The following LDHC variants were observed in gnomAD, a reference collection of about 807,000 sequenced individuals.
The protein encoded by LDHC is lactate dehydrogenase C.
Under a neutral mutation model 30.2 loss-of-function variants are expected in LDHC, and 20 were observed. The ratio of observed to expected loss-of-function variants is 0.66; its 90% confidence interval spans 0.47 to 0.96. LDHC has a LOEUF of 0.96. Among genes scored for constraint, LDHC ranks in the 40% least tolerant of loss-of-function variants. The pLI is 0.00. For missense variants in LDHC, 362 were observed against 394.9 expected, an observed-to-expected ratio of 0.92 and a Z score of 0.71; for synonymous variants, 139 against 132.7, an observed-to-expected ratio of 1.05 and a Z score of -0.32.
At chr11:18,437,781 C>T (rs1403807432) in intron 5 of LDHC, among the ~76,000 whole-genome samples, 3 of 150,676 alleles carry the variant, frequency 2.0e-5, no homozygotes, top group African/African-American at 7.3e-5. Flanking sequence ...AAAGAAATAC[C>T]TGGCCAGGAG....
chr11:18,445,268 A>G (rs1180724766), intron 6 of LDHC, among the ~76,000 whole-genome samples: 1 of 151,828 alleles, frequency 6.6e-6, no homozygotes, highest in Non-Finnish European at 1.5e-5. Flanking sequence ...GGCTCACTGC[A>G]ACCTCTGCCC....
At chr11:18,424,860 T>C (rs1848133288) in intron 3 of LDHC, among the ~76,000 whole-genome samples, 1 of 151,980 alleles carries the variant, frequency 6.6e-6, no homozygotes, top group African/African-American at 2.4e-5. Flanking sequence ...ATACAAAAAT[T>C]AGCTGGGTGT....
At chr11:18,429,116 C>CTTTT (rs36038254) in intron 3 of LDHC, among the ~76,000 whole-genome samples, 1,094 of 93,876 alleles carry the variant, frequency 0.012, 30 homozygotes, top group Non-Finnish European at 0.017. Context: ...TCATTTTGGT[C>CTTTT]TTTTTTTTTT....
At chr11:18,420,204 A>T (rs1867094431) in intron 3 of LDHC, among the ~76,000 whole-genome samples, 1 of 152,220 alleles carries the variant, frequency 6.6e-6, no homozygotes, top group Non-Finnish European at 1.5e-5. Context: ...AGAAGTAGAA[A>T]ATATAACAGG....
intron 4 of LDHC, among the ~76,000 whole-genome samples, chr11:18,431,209 G>T (rs542476483): frequency 6.6e-6 from 1 of 151,788 alleles, no homozygotes; most frequent in South Asian, 2.1e-4. Context: ...TGTAATCCCC[G>T]CAACACTTTG....
intron 6 of LDHC, among the ~76,000 whole-genome samples, chr11:18,443,577 A>C (rs887872000): frequency 4.0e-5 from 6 of 150,728 alleles, no homozygotes; most frequent in Non-Finnish European, 7.4e-5. Flanking sequence ...CTCACACCTC[A>C]GCCTCCTGAG....
At chr11:18,450,707 T>C (rs1848640836) in intron 7 of LDHC, 2 of 308,816 alleles carry the variant, frequency 6.5e-6, no homozygotes, top group Admixed American at 5.3e-5. Context: ...GATGACCTGG[T>C]AAGGGATAAG....
chr11:18,430,187 G>A (rs1848240220), intron 4 of LDHC, among the ~76,000 whole-genome samples: 1 of 152,112 alleles, frequency 6.6e-6, no homozygotes, highest in South Asian at 2.1e-4. Context: ...TTATATGAAT[G>A]AAATCATGCT....
rs1212899360 is a variant in LDHC at position 18,451,034 on chromosome 11, T to G, written c.906T>G (p.Asp302Glu). 1.3e-6 allele frequency: 2 copies of G among 1,594,554 alleles called. No individual in the cohort carries two copies. Among genetic ancestry groups the G allele is most frequent in the Non-Finnish European group, 1.7e-6 (2 of 1,172,802 alleles). ...TCTTGGGGCGGAATGGTGTCTCAGA[T>G]GTTGTGAAAATTAACTTGAATTCTG... ...PCVLGRNGVS[D>E]VVKINLNSEE... Residue 302 changes from aspartate to glutamate, a missense_variant, in exon 8 of 8, where the codon GAT (aspartate) becomes GAG (glutamate). By Grantham distance (45) the Asp-to-Glu change is conservative. Coordinates refer to ENST00000541669, the MANE Select transcript of LDHC (RefSeq NM_017448.5).
At position 18,434,833 on chromosome 11, in the gene LDHC, G is replaced by A. The variant is rs773537130; in HGVS notation, c.512G>A (p.Arg171His). ...SGCNLDSARF[R>H]YLIGEKLGVH... ...TGTAATCTAGACTCTGCCCGTTTCC[G>A]TTACCTAATTGGAGAAAAGTTGGGT... is the stretch of plus-strand genomic sequence containing the variant. The change falls in exon 5 of 8, where the codon CGT becomes CAT. Residue 171 changes from arginine (R) to histidine (H), a missense_variant. Coordinates refer to ENST00000541669, the MANE Select transcript of LDHC (RefSeq NM_017448.5). The A allele has an allele frequency of 1.3e-5, 21 of 1,612,586 alleles. No homozygotes were observed. Among genetic ancestry groups the A allele is most frequent in the South Asian group, 3.3e-5 (3 of 91,042 alleles).
chr11:18,445,245 A>G (rs1188461278), intron 6 of LDHC, among the ~76,000 whole-genome samples: 3 of 151,728 alleles, frequency 2.0e-5, no homozygotes, highest in South Asian at 4.1e-4. Flanking sequence ...CTGGAGTGCA[A>G]TGGTATAGTC....
In LDHC at chr11:18,451,830, G is replaced by A. The variant is rs1848660270; in HGVS notation, c.*703G>A. On this transcript the variant is annotated 3_prime_UTR_variant, in exon 8 of 8. Transcript: ENST00000541669. ...TGTGGTGGCCTGCATCTGTAGTCCA[G>A]CTACTTGGGAGACTGAGACCAGTAG... 6.6e-6 allele frequency: 1 copy of A among 152,064 alleles called. No homozygotes were observed. Among genetic ancestry groups the A allele is most frequent in the African/African-American group, 2.4e-5 (1 of 41,394 alleles). 9.4% of individuals were successfully genotyped at this position (152,064 alleles called of 1,614,324 possible).
chr11:18,412,922 G>A, intron 2 of LDHC, 79 bp downstream of exon 2: 2 of 1,382,596 alleles, frequency 1.4e-6, no homozygotes, highest in Non-Finnish European at 2.0e-6. Context: ...ATTCAGGGTT[G>A]CAAGGTTAAT....
chr11:18,414,378 C>T (rs1866965764), intron 2 of LDHC, among the ~76,000 whole-genome samples: 3 of 152,010 alleles, frequency 2.0e-5, no homozygotes, highest in African/African-American at 7.2e-5. Context: ...GAATGGGTTC[C>T]CATGGAAAAG....
chr11:18,434,769 A>G lies in LDHC; in HGVS notation c.448A>G (p.Ile150Val), dbSNP rs1474202485. The change falls in exon 5 of 8, where the codon ATA becomes GTA. Residue 150 changes from isoleucine (I) to valine (V), a missense_variant. Transcript: ENST00000541669. ...TATTTTGACATATATAGTCTGGAAG[A>G]TAAGTGGCTTACCTGTAACTCGTGT... is the stretch of plus-strand genomic sequence containing the variant. ...VDILTYIVWK[I>V]SGLPVTRVIG... 6.2e-7 allele frequency: 1 copy of G among 1,606,620 alleles called. No individual in the cohort carries two copies. The highest frequency in any genetic ancestry group is 1.7e-5 in the Admixed American group (1 of 59,976).
At chr11:18,431,967 G>A (rs540390361) in intron 4 of LDHC, among the ~76,000 whole-genome samples, 8 of 152,084 alleles carry the variant, frequency 5.3e-5, no homozygotes, top group African/African-American at 1.9e-4. Context: ...ATTTCATTTA[G>A]TTCTGCTCTG....
intron 6 of LDHC, among the ~76,000 whole-genome samples, chr11:18,440,681 C>T (rs953369553): frequency 5.9e-5 from 9 of 152,186 alleles, no homozygotes; most frequent in African/African-American, 1.9e-4. Flanking sequence ...GTAATCCCAA[C>T]CCTTTGGGAG....
At chr11:18,420,991 T>C (rs1202682418) in intron 3 of LDHC, among the ~76,000 whole-genome samples, 1 of 152,196 alleles carries the variant, frequency 6.6e-6, no homozygotes. Flanking sequence ...AGTGTGGTGA[T>C]TAACTTTGAA....
intron 3 of LDHC, among the ~76,000 whole-genome samples, chr11:18,422,284 G>A (rs547427442): frequency 2.6e-5 from 4 of 152,204 alleles, no homozygotes; most frequent in South Asian, 2.1e-4. Context: ...GGCCGGGCAC[G>A]ATGGCCCATG....
Sources: allele counts gnomAD v4.1 joint callset (sites outside exome capture counted in the v4.1 genomes callset), GRCh38; gene constraint gnomAD v4.1.1; transcripts MANE v1.5; gene names NCBI Gene and HGNC (gene_info 2026-07-23, HGNC 2026-07-21).